COBL: variants seen among roughly 807,000 people sequenced by gnomAD.
COBL encodes the protein cordon-bleu WH2 repeat protein.
Under a neutral mutation model 98.8 loss-of-function variants are expected in COBL, and 51 were observed. The observed-to-expected ratio is 0.52, with a 90% CI of 0.41 to 0.65. COBL has a LOEUF of 0.65. Among genes scored for constraint, COBL ranks in the 30% least tolerant of loss-of-function variants. The probability of loss-of-function intolerance (pLI) is 0.00; values close to 1 mark genes in which losing one functional copy is unlikely to be tolerated. For missense variants in COBL, 1,617 were observed against 1,617.5 expected (o/e 1.00, Z 0.01); for synonymous variants, 634 against 651.7 (o/e 0.97, Z 0.41).
In COBL at chr7:51,156,090, T is replaced by C. The variant is rs1031017177; in HGVS notation, c.784-19759A>G. Among the ~76,000 whole-genome samples the C allele has an allele frequency of 2.6e-5, 4 of 152,268 alleles. No homozygotes were observed. In the East Asian group the frequency reaches 5.8e-4, roughly 22 times the overall value. On this transcript the variant is annotated intron_variant, in intron 5 of 12. Coordinates refer to ENST00000265136, the MANE Select transcript of COBL (RefSeq NM_015198.5). ...AAGCTAGAAAATCATCCAGACGACA[T>C]AGAACAGAAATTCATTGTGCTAAAA...
chr7:51,144,032 C>CT (rs1457838592), intron 5 of COBL, among the ~76,000 whole-genome samples: 2 of 152,108 alleles, frequency 1.3e-5, no homozygotes, highest in Admixed American at 6.5e-5. Context: ...TTCAAGTGAT[C>CT]TAAAGTAAGC....
intron 6 of COBL, among the ~76,000 whole-genome samples, chr7:51,100,272 C>G (rs559005872): frequency 6.6e-6 from 1 of 152,192 alleles, no homozygotes; most frequent in Non-Finnish European, 1.5e-5. Context: ...TCACTTACTC[C>G]TTCAATTAAC....
Position 51,028,121 on chromosome 7 carries a change from C to T in COBL, c.2975G>A (p.Ser992Asn), listed in dbSNP as rs749498819. Residue 992 changes from serine to asparagine, a missense_variant, in exon 10 of 13, where the codon AGC becomes AAC. Physicochemically the swap from Ser to Asn is conservative, Grantham distance 46 (BLOSUM62 1). Around this residue, in one of 3 missense-constraint regions of COBL, gnomAD observed 1,304 missense variants for 1,282.0 expected, o/e 1.02. Transcript: ENST00000265136. ...SQRDRVSVGQSCGFSGKQSTS... is the reference protein window; with the variant it reads ...SQRDRVSVGQNCGFSGKQSTS... ...GCTTTGCTTTCCACTGAAACCACAG[C>T]TCTGTCCCACAGAAACACGATCCCT... The T allele has an allele frequency of 9.9e-6, 16 of 1,614,218 alleles. No homozygotes were observed. Among genetic ancestry groups the T allele is most frequent in the Non-Finnish European group, 1.4e-5 (16 of 1,180,026 alleles).
chr7:51,255,393 A>G (rs77899634), intron 1 of COBL, among the ~76,000 whole-genome samples: 296 of 152,272 alleles, frequency 1.9e-3, no homozygotes, highest in African/African-American at 7.0e-3. Context: ...TCTCCTCTTT[A>G]TAAAATTATT....
chr7:51,290,823 T>G (rs977439309), intron 1 of COBL, among the ~76,000 whole-genome samples: 1 of 152,128 alleles, frequency 6.6e-6, no homozygotes, highest in Non-Finnish European at 1.5e-5. Context: ...CACCTTGACC[T>G]CAGGTAGGAA....
intron 7 of COBL, among the ~76,000 whole-genome samples, chr7:51,076,443 T>G (rs1268536794): frequency 6.6e-6 from 1 of 152,116 alleles, no homozygotes; most frequent in Non-Finnish European, 1.5e-5. Flanking sequence ...GAGATAGGAT[T>G]GTAGCCACCA....
chr7:51,028,553 G>A lies in COBL; in HGVS notation c.2543C>T (p.Ala848Val). The change falls in exon 10 of 13, where the codon GCA becomes GTA. Residue 848 changes from alanine (A) to valine (V), a missense_variant. By Grantham distance (64) the Ala-to-Val change is moderately conservative. Transcript: ENST00000265136. Reference sequence around the variant, plus strand: ...AAATGTGACTTCTGTGGTGTGAGCTGCTGGCACCCTCACGTGACCCATGCC... The same window carrying A: ...AAATGTGACTTCTGTGGTGTGAGCTACTGGCACCCTCACGTGACCCATGCC... Reference protein sequence around the residue: ...TMGMGHVRVPAAHTTEVTFLK... With the variant: ...TMGMGHVRVPVAHTTEVTFLK... 6.2e-7 allele frequency: 1 copy of A among 1,614,256 alleles called. No individual in the cohort carries two copies. Among genetic ancestry groups the A allele is most frequent in the Non-Finnish European group, 8.5e-7 (1 of 1,180,054 alleles).
intron 7 of COBL, among the ~76,000 whole-genome samples, chr7:51,068,845 C>A (rs966127338): frequency 6.6e-6 from 1 of 152,298 alleles, no homozygotes; most frequent in South Asian, 2.1e-4. Context: ...AGTTTTCCTA[C>A]TAGAAGCTAA....
chr7:51,178,152 CTCTG>C (rs902703438), intron 5 of COBL, among the ~76,000 whole-genome samples: 1 of 152,012 alleles, frequency 6.6e-6, no homozygotes, highest in Non-Finnish European at 1.5e-5. Context: ...CTCTCTCACT[CTCTG>C]TCTCTCTCTC....
intron 2 of COBL, among the ~76,000 whole-genome samples, chr7:51,213,976 A>G (rs1467218920): frequency 9.9e-5 from 15 of 152,034 alleles, no homozygotes; most frequent in Admixed American, 9.2e-4. Context: ...GTTAAAAGAC[A>G]ATGCTGGCTG....
At chr7:51,111,613 T>C (rs1796831939) in intron 6 of COBL, among the ~76,000 whole-genome samples, 1 of 152,084 alleles carries the variant, frequency 6.6e-6, no homozygotes, top group African/African-American at 2.4e-5. Context: ...GACCCATCCA[T>C]CCTTCAAGGC....
chr7:51,138,821 T>C (rs1194645266), intron 5 of COBL, among the ~76,000 whole-genome samples: 2 of 152,210 alleles, frequency 1.3e-5, no homozygotes, highest in African/African-American at 2.4e-5. Context: ...AGAAACACGA[T>C]GTCCATGGCA....
intron 6 of COBL, among the ~76,000 whole-genome samples, chr7:51,119,048 G>C (rs1210261692): frequency 1.3e-5 from 2 of 152,168 alleles, no homozygotes; most frequent in Non-Finnish European, 2.9e-5. Flanking sequence ...AGTCACCAGA[G>C]ATTACATCAC....
rs1787718437 is a variant in COBL at position 51,027,791 on chromosome 7, G to A, written c.3305C>T (p.Pro1102Leu). 1 of 1,614,216 alleles carries A rather than the reference G, an allele frequency of 6.2e-7. No homozygotes were observed. The highest frequency in any genetic ancestry group is 1.1e-5 in the South Asian group (1 of 91,078). The change falls in exon 10 of 13, where the codon CCA becomes CTA. Residue 1102 changes from proline to leucine, a missense_variant. Around this residue, in one of 3 missense-constraint regions of COBL, gnomAD observed 1,304 missense variants for 1,282.0 expected, o/e 1.02. Coordinates refer to ENST00000265136, the MANE Select transcript of COBL (RefSeq NM_015198.5). ...KKKFKPVVQR[P>L]VPKDTSLHSA... is the part of the protein sequence containing the mutation. ...GTGCAGGGATGTGTCTTTTGGGACT[G>A]GTCTCTGGACAACAGGTTTGAATTT...
At chr7:51,036,717 G>A (rs1788683395) in intron 8 of COBL, among the ~76,000 whole-genome samples, 3 of 152,144 alleles carry the variant, frequency 2.0e-5, no homozygotes, top group South Asian at 4.1e-4. Flanking sequence ...ATGGGACATC[G>A]GGCACTCCAG....
Position 51,043,488 on chromosome 7 carries a change from G to A in COBL, c.1301C>T (p.Thr434Ile). Residue 434 changes from threonine (T) to isoleucine (I), a missense_variant, in exon 8 of 13, where the codon ACA becomes ATA. Coordinates refer to ENST00000265136, the MANE Select transcript of COBL (RefSeq NM_015198.5). ...DSMKYKDKWATDQEDCSDQDL... is the reference protein window; with the variant it reads ...DSMKYKDKWAIDQEDCSDQDL... ...CTGGTCACTGCAGTCTTCCTGGTCT[G>A]TGGCCCACTTGTCTTTGTATTTCAT... 1 of 1,614,212 alleles carries A rather than the reference G, an allele frequency of 6.2e-7. No homozygotes were observed. The highest frequency in any genetic ancestry group is 8.5e-7 in the Non-Finnish European group (1 of 1,180,040).
At chr7:51,064,943 A>G in intron 7 of COBL, 1 of 588,082 alleles carries the variant, frequency 1.7e-6, no homozygotes, top group South Asian at 2.1e-5. Flanking sequence ...ACGGGTTCAT[A>G]TTCAGGCTCA....
At chr7:51,311,016 T>C (rs1335120584) in intron 1 of COBL, among the ~76,000 whole-genome samples, 12 of 152,140 alleles carry the variant, frequency 7.9e-5, no homozygotes, top group Non-Finnish European at 1.5e-5. Context: ...AATCAATTGA[T>C]GTCCTTTTTA....
chr7:51,180,926 T>C (rs991550075), intron 5 of COBL, among the ~76,000 whole-genome samples: 5 of 152,226 alleles, frequency 3.3e-5, no homozygotes, highest in African/African-American at 1.2e-4. Flanking sequence ...TAATACTATA[T>C]ATTGCTTGTG....
Sources: gnomAD v4.1 joint callset for allele counts (sites outside exome capture counted in the v4.1 genomes callset) on GRCh38, gnomAD v4.1.1 for gene constraint, gnomAD v4.1.1 regional missense constraint, MANE v1.5 for transcripts, NCBI Gene and HGNC (gene_info 2026-07-23, HGNC 2026-07-21) for gene names.